Variants in TAF1A observed in about 807,000 individuals in gnomAD.
TAF1A encodes the protein TATA-box binding protein associated factor, RNA polymerase I subunit A.
TAF1A carries 42 observed loss-of-function variants against 61.6 expected under a neutral mutation model. The observed-to-expected ratio is 0.68, with a 90% confidence interval of 0.53 to 0.88. TAF1A has a LOEUF of 0.88. Ranked by LOEUF, TAF1A falls within the 40% of genes least tolerant of loss-of-function variation. The pLI is 0.00. For missense variants in TAF1A, 424 were observed against 518.7 expected, an observed-to-expected ratio of 0.82 and a Z score of 1.77; for synonymous variants, 179 against 177.7, an observed-to-expected ratio of 1.01 and a Z score of -0.06.
intron 10 of TAF1A, 32 bp from the exon 11 acceptor site, chr1:222,558,804 T>C (rs1200419109): frequency 1.8e-6 from 2 of 1,099,870 alleles, no homozygotes; most frequent in East Asian, 5.0e-5. Context: ...AAAGTTTTAA[T>C]ACTCATCACA....
intron 7 of TAF1A, chr1:222,569,191 C>T: frequency 1.9e-6 from 2 of 1,078,240 alleles, no homozygotes; most frequent in South Asian, 4.0e-5. Context: ...CAAGCACATA[C>T]TTAAAATAAG....
At chr1:222,578,346 A>G (rs1347391193) in intron 4 of TAF1A, among the ~76,000 whole-genome samples, 3 of 152,176 alleles carry the variant, frequency 2.0e-5, no homozygotes, top group Non-Finnish European at 4.4e-5. Flanking sequence ...GCCTCCCTAC[A>G]ATCCATCTTT....
At chr1:222,555,577 T>C (rs1266948983), downstream of TAF1A, among the ~76,000 whole-genome samples, 1 of 152,180 alleles carries the variant, frequency 6.6e-6, no homozygotes, top group Non-Finnish European at 1.5e-5. Context: ...GGAGTGATAT[T>C]GGTCAAATGG....
At chr1:222,583,330 G>A (rs1571828267) in intron 3 of TAF1A, among the ~76,000 whole-genome samples, 2 of 151,930 alleles carry the variant, frequency 1.3e-5, no homozygotes, top group Non-Finnish European at 2.9e-5. Flanking sequence ...TTAGAGTGTG[G>A]TAATGGTTGG....
intron 6 of TAF1A, 57 bp from the exon 7 acceptor site, chr1:222,569,725 A>G: frequency 6.8e-7 from 1 of 1,477,944 alleles, no homozygotes; most frequent in South Asian, 1.3e-5. Context: ...CTATACGAAA[A>G]ATAATACACA....
At chr1:222,569,392 T>C in intron 7 of TAF1A, 118 bp downstream of exon 7, 2 of 1,590,414 alleles carry the variant, frequency 1.3e-6, no homozygotes, top group Non-Finnish European at 1.7e-6. Context: ...TTTATCTCAG[T>C]GTACTGTACA....
chr1:222,566,456 A>C (rs1660121599), intron 7 of TAF1A, among the ~76,000 whole-genome samples: 1 of 152,214 alleles, frequency 6.6e-6, no homozygotes, highest in Non-Finnish European at 1.5e-5. Context: ...TATATAATGA[A>C]ATAATTATAC....
At chr1:222,563,432 CTGGTTAACA>C (rs1659993780) in intron 8 of TAF1A, 136 bp from the exon 9 acceptor site, 4 of 996,942 alleles carry the variant, frequency 4.0e-6, no homozygotes, top group Non-Finnish European at 5.7e-6. Context: ...CATAAGCCTT[CTGGTTAACA>C]GTTTTTAAAA....
intron 3 of TAF1A, among the ~76,000 whole-genome samples, chr1:222,582,920 C>T (rs1162346283): frequency 2.6e-5 from 4 of 152,154 alleles, no homozygotes; most frequent in East Asian, 3.9e-4. Flanking sequence ...TAGTGGCTCA[C>T]GCTTGCAATA....
intron 9 of TAF1A, among the ~76,000 whole-genome samples, chr1:222,562,292 A>T (rs1437785366): frequency 6.6e-6 from 1 of 152,172 alleles, no homozygotes; most frequent in Non-Finnish European, 1.5e-5. Flanking sequence ...TGCACATTAG[A>T]TCTCTATAAT....
At chr1:222,559,384 A>T (rs1659823209) in intron 10 of TAF1A, among the ~76,000 whole-genome samples, 1 of 152,242 alleles carries the variant, frequency 6.6e-6, no homozygotes, top group African/African-American at 2.4e-5. Context: ...CATGCTCATT[A>T]GAAGTTCCAC....
At position 222,564,246 on chromosome 1, in the gene TAF1A, T is replaced by C. The variant is rs144683005; in HGVS notation, c.895-121A>G. On this transcript the variant is annotated intron_variant, in intron 7 of 10. Coordinates refer to ENST00000352967, the MANE Select transcript of TAF1A (RefSeq NM_005681.4). Reference sequence around the variant, plus strand: ...TGCTCCCTTTAAATTTATTAAGTATTTTAAAAATACCCTGGCTCTTTATCT... The same window carrying C: ...TGCTCCCTTTAAATTTATTAAGTATCTTAAAAATACCCTGGCTCTTTATCT... 11 of 456,700 alleles carry C rather than the reference T, an allele frequency of 2.4e-5. No individual in the cohort carries two copies. The East Asian group carries it at 4.2e-4, about 17-fold the overall frequency. 28.3% of individuals were successfully genotyped at this position (456,700 alleles called of 1,614,324 possible).
At chr1:222,581,026 G>A (rs1320112846) in intron 3 of TAF1A, among the ~76,000 whole-genome samples, 1 of 152,082 alleles carries the variant, frequency 6.6e-6, no homozygotes, top group Admixed American at 6.5e-5. Context: ...GTGGCGGGAG[G>A]CGGAGCTTGC....
chr1:222,555,894 C>T (rs758979601), downstream of TAF1A, among the ~76,000 whole-genome samples: 4 of 152,038 alleles, frequency 2.6e-5, no homozygotes, highest in African/African-American at 7.3e-5. Context: ...TTATTGCTAA[C>T]GTGTCTTAAA....
At chr1:222,563,751 T>C (rs1433200565) in intron 8 of TAF1A, among the ~76,000 whole-genome samples, 2 of 152,240 alleles carry the variant, frequency 1.3e-5, no homozygotes, top group Non-Finnish European at 2.9e-5. Flanking sequence ...TTATATAAAA[T>C]CGAGCCATTT....
chr1:222,566,947 G>A (rs3008641), intron 7 of TAF1A, among the ~76,000 whole-genome samples: 29,759 of 152,136 alleles, frequency 0.2, 3,634 homozygotes, highest in African/African-American at 0.35. Context: ...TCACTCCTGA[G>A]TATACACCCA....
At chr1:222,572,895 C>T (rs979936199) in intron 5 of TAF1A, among the ~76,000 whole-genome samples, 3 of 152,196 alleles carry the variant, frequency 2.0e-5, no homozygotes, top group African/African-American at 7.2e-5. Context: ...ATACCAAAAC[C>T]ACAAGCAACA....
At chr1:222,583,238 C>T (rs558853427) in intron 3 of TAF1A, among the ~76,000 whole-genome samples, 3 of 151,974 alleles carry the variant, frequency 2.0e-5, no homozygotes, top group Admixed American at 2.0e-4. Flanking sequence ...TGCCAGTGTC[C>T]GGCAGCTGTG....
In TAF1A at chr1:222,571,133, C is replaced by T. The variant is rs74672309; in HGVS notation, c.605-468G>A. Among the ~76,000 whole-genome samples the T allele has an allele frequency of 2.8e-3, 427 of 152,158 alleles. 15 individuals are homozygous for T. The East Asian group carries it at 0.067, about 24-fold the overall frequency. On this transcript the variant is annotated intron_variant, in intron 5 of 10. Transcript: ENST00000352967. ...AAATCAAAAGAATACAGGACCAAAA[C>T]CTCATGATCATCACAATAGACACAG...
Sources: allele counts gnomAD v4.1 joint callset (sites outside exome capture counted in the v4.1 genomes callset), GRCh38; gene constraint gnomAD v4.1.1; transcripts MANE v1.5; gene names NCBI Gene and HGNC (gene_info 2026-07-23, HGNC 2026-07-21).